Variants in GRK5 observed in about 807,000 individuals in gnomAD.
GRK5 encodes G protein-coupled receptor kinase 5, also known as g protein-coupled receptor kinase GRK5.
GRK5 carries 40 observed loss-of-function variants against 78.4 expected under a neutral mutation model. That is an observed-to-expected ratio of 0.51 (90% CI 0.40 to 0.66). The LOEUF (loss-of-function observed/expected upper bound fraction) is 0.66, where lower values mean the gene tolerates loss of function less well. GRK5 is among the 30% of genes least tolerant of loss of function. The pLI, the probability that GRK5 is intolerant of heterozygous loss-of-function variation, is 0.00. For missense variants in GRK5, 598 were observed against 759.9 expected (o/e 0.79, Z 2.50); for synonymous variants, 289 against 296.8 (o/e 0.97, Z 0.27).
chr10:119,320,324 C>T (rs1256962448), intron 1 of GRK5, among the ~76,000 whole-genome samples: 2 of 152,232 alleles, frequency 1.3e-5, no homozygotes, highest in Non-Finnish European at 2.9e-5. Context: ...ACAGGGGAGA[C>T]TGATGACGGG....
chr10:119,435,710 A>G (rs572656032), intron 8 of GRK5, among the ~76,000 whole-genome samples: 3 of 151,800 alleles, frequency 2.0e-5, no homozygotes, highest in South Asian at 2.1e-4. Context: ...AACTCTTCCA[A>G]CCTCTACCTG....
At chr10:119,354,113 T>G (rs1466214545) in intron 2 of GRK5, among the ~76,000 whole-genome samples, 1 of 151,868 alleles carries the variant, frequency 6.6e-6, no homozygotes, top group African/African-American at 2.4e-5. Context: ...AAGGGTTTCT[T>G]TATTTAAAAA....
chr10:119,449,928 C>G (rs1853241846), intron 13 of GRK5, among the ~76,000 whole-genome samples: 1 of 152,242 alleles, frequency 6.6e-6, no homozygotes, highest in South Asian at 2.1e-4. Context: ...ATGAACAACA[C>G]TCGCCTTGGA....
At chr10:119,257,931 T>C (rs1333821514) in intron 1 of GRK5, among the ~76,000 whole-genome samples, 2 of 152,236 alleles carry the variant, frequency 1.3e-5, no homozygotes, top group African/African-American at 4.8e-5. Context: ...CATTCTCTTT[T>C]ATTTTTTTCC....
chr10:119,243,862 TTC>T (rs1384840870), intron 1 of GRK5, among the ~76,000 whole-genome samples: 1 of 152,248 alleles, frequency 6.6e-6, no homozygotes, highest in Non-Finnish European at 1.5e-5. Flanking sequence ...CATCAGTCAC[TTC>T]TCTGCCTGAG....
intron 2 of GRK5, among the ~76,000 whole-genome samples, chr10:119,354,727 T>C (rs1048277636): frequency 6.6e-6 from 1 of 152,188 alleles, no homozygotes; most frequent in African/African-American, 2.4e-5. Flanking sequence ...TAATATTCCA[T>C]TGTACAGTTG....
chr10:119,416,813 C>T (rs1361071140), intron 4 of GRK5, among the ~76,000 whole-genome samples: 2 of 152,104 alleles, frequency 1.3e-5, no homozygotes, highest in South Asian at 2.1e-4. Flanking sequence ...AGGCTGGACT[C>T]GAACTCCTGA....
intron 1 of GRK5, among the ~76,000 whole-genome samples, chr10:119,309,883 T>A (rs773470175): frequency 1.1e-4 from 16 of 152,194 alleles, no homozygotes; most frequent in Non-Finnish European, 1.8e-4. Context: ...GCTCAGCCTC[T>A]CAGCAGCTGT....
In GRK5 at chr10:119,445,693, C is replaced by T. The variant is rs535743026; in HGVS notation, c.1266+1941C>T. On this transcript the variant is annotated intron_variant, in intron 12 of 15. Coordinates refer to ENST00000392870, the MANE Select transcript of GRK5 (RefSeq NM_005308.3). This position sits in a 1 kb window ranked among gnomAD's most constrained non-coding sequence, Gnocchi z 4.1. ...TTCACGCCCTTGACTGCAGCATCTCCGGCATCTAGGCCTACCTTGTCCCCT... is the reference window on the plus strand; with the variant it reads ...TTCACGCCCTTGACTGCAGCATCTCTGGCATCTAGGCCTACCTTGTCCCCT... 4.6e-5 allele frequency among the ~76,000 whole-genome samples: 7 copies of T among 152,264 alleles called. No individual in the cohort carries two copies. The highest frequency in any genetic ancestry group is 1.9e-4 in the East Asian group (1 of 5,174).
At chr10:119,227,281 A>T (rs891416963) in intron 1 of GRK5, among the ~76,000 whole-genome samples, 3 of 152,260 alleles carry the variant, frequency 2.0e-5, no homozygotes, top group African/African-American at 7.2e-5. Flanking sequence ...TTTAGTATAT[A>T]ATAGGCTGGG....
intron 1 of GRK5, among the ~76,000 whole-genome samples, chr10:119,259,449 A>G (rs544584682): frequency 6.6e-6 from 1 of 152,282 alleles, no homozygotes; most frequent in South Asian, 2.1e-4. Flanking sequence ...TTCTCTTCAT[A>G]TGTTCCCACT....
At chr10:119,405,998 C>G (rs968497167) in intron 4 of GRK5, among the ~76,000 whole-genome samples, 7 of 152,176 alleles carry the variant, frequency 4.6e-5, no homozygotes, top group Admixed American at 2.6e-4. Context: ...AAGCTAGATA[C>G]TCTATTGTCT....
chr10:119,389,970 A>G (rs1851862458), intron 3 of GRK5, among the ~76,000 whole-genome samples: 1 of 152,204 alleles, frequency 6.6e-6, no homozygotes, highest in East Asian at 1.9e-4. Context: ...CCAGGAGCTT[A>G]CAGTTTTGTT....
chr10:119,367,257 G>T (rs953880221), intron 2 of GRK5, among the ~76,000 whole-genome samples: 1 of 152,142 alleles, frequency 6.6e-6, no homozygotes, highest in African/African-American at 2.4e-5. Context: ...AGCCTTCCCT[G>T]TGTTAGATTC....
intron 2 of GRK5, among the ~76,000 whole-genome samples, chr10:119,338,776 A>C (rs541666479): frequency 6.6e-6 from 1 of 152,286 alleles, no homozygotes; most frequent in African/African-American, 2.4e-5. Flanking sequence ...TCTTCCTTTA[A>C]GCGATCTTGA....
intron 1 of GRK5, among the ~76,000 whole-genome samples, chr10:119,288,432 T>C (rs1849895332): frequency 1.3e-5 from 2 of 152,154 alleles, no homozygotes; most frequent in South Asian, 4.1e-4. Context: ...GCTTAACAAG[T>C]AGGTATCGAC....
intron 1 of GRK5, among the ~76,000 whole-genome samples, chr10:119,250,462 C>T (rs1849181340): frequency 6.6e-6 from 1 of 151,820 alleles, no homozygotes; most frequent in Non-Finnish European, 1.5e-5. Flanking sequence ...GGCGTCATCA[C>T]AACCTATTAC....
At position 119,443,669 on chromosome 10, in the gene GRK5, G is replaced by A. The variant is rs1165313528; in HGVS notation, c.1183G>A (p.Glu395Lys). Residue 395 changes from glutamate to lysine, a missense_variant, in exon 12 of 16, where the codon GAG (glutamate) becomes AAG (lysine). By Grantham distance (56) the Glu-to-Lys change is moderately conservative. Coordinates refer to ENST00000392870, the MANE Select transcript of GRK5 (RefSeq NM_005308.3). ...CGGCCGCAAGGAGAAGGTGAAGCGG[G>A]AGGAGGTGGACCGCCGGGTCCTGGA... ...FRGRKEKVKR[E>K]EVDRRVLETE... 2 of 1,613,586 alleles carry A rather than the reference G, an allele frequency of 1.2e-6. No individual in the cohort carries two copies. The highest frequency in any genetic ancestry group is 4.5e-5 in the East Asian group (2 of 44,876).
intron 2 of GRK5, among the ~76,000 whole-genome samples, chr10:119,376,679 C>T (rs1589772359): frequency 1.3e-5 from 2 of 151,598 alleles, no homozygotes; most frequent in African/African-American, 4.9e-5. Context: ...ATTCTTCTGC[C>T]TCAGCCTCCC....
Sources: allele counts gnomAD v4.1 joint callset (sites outside exome capture counted in the v4.1 genomes callset), GRCh38; gene constraint gnomAD v4.1.1; non-coding constraint Gnocchi (gnomAD v3.1); transcripts MANE v1.5; gene names NCBI Gene and HGNC (gene_info 2026-07-23, HGNC 2026-07-21).